ZNF610: variants seen among roughly 807,000 people sequenced by gnomAD.
ZNF610 encodes zinc finger protein 610, also known as zink finger protein.
In ZNF610, 14 loss-of-function variants were observed where a neutral mutation model predicts 14.1. The observed-to-expected ratio is 0.99, with a 90% confidence interval of 0.65 to 1.55. The LOEUF (loss-of-function observed/expected upper bound fraction) is 1.55, where lower values mean the gene tolerates loss of function less well. ZNF610 is among the 40% of genes most tolerant of loss of function. The pLI, the probability that ZNF610 is intolerant of heterozygous loss-of-function variation, is 0.00. For missense variants in ZNF610, 530 were observed against 558.0 expected (o/e 0.95, Z 0.51); for synonymous variants, 185 against 187.6 (o/e 0.99, Z 0.11).
chr19:52,341,967 T>A (rs565170028), intron 1 of ZNF610, among the ~76,000 whole-genome samples: 1 of 152,230 alleles, frequency 6.6e-6, no homozygotes, highest in Admixed American at 6.5e-5. Context: ...CATGCCAGTA[T>A]GCCACTAATA....
intron 5 of ZNF610, among the ~76,000 whole-genome samples, chr19:52,362,114 G>C (rs573201658): frequency 6.6e-6 from 1 of 152,290 alleles, no homozygotes; most frequent in Non-Finnish European, 1.5e-5. Context: ...CCAGCACTAT[G>C]GCTCACGCCT....
chr19:52,364,496 T>C (rs1198916416), intron 5 of ZNF610, among the ~76,000 whole-genome samples: 5 of 152,206 alleles, frequency 3.3e-5, no homozygotes. Flanking sequence ...AGCTCTTCTT[T>C]ATTCAGGAAC....
chr19:52,365,253 A>G (rs1441929219), intron 5 of ZNF610, among the ~76,000 whole-genome samples: 1 of 149,796 alleles, frequency 6.7e-6, no homozygotes, highest in Admixed American at 6.6e-5. Flanking sequence ...AAAAAAAAAA[A>G]GAATTGTGAC....
Position 52,365,901 on chromosome 19 carries a change from A to G in ZNF610, c.523A>G (p.Ile175Val), listed in dbSNP as rs759053994. ...QKISSSFTTH[I>V]FNKYRNDLID... ...AATTTCTTCTAGTTTCACAACACAC[A>G]TTTTTAATAAATATAGAAATGATCT... Residue 175 changes from isoleucine (I) to valine (V), a missense_variant, in exon 6 of 6, where the codon ATT becomes GTT. Physicochemically the swap from Ile to Val is conservative, Grantham distance 29. Transcript: ENST00000403906. The G allele has an allele frequency of 2.5e-6, 4 of 1,612,644 alleles. No individual in the cohort carries two copies. The Admixed American group carries it at 5.0e-5, about 20-fold the overall frequency.
rs774636305 is a variant in ZNF610 at position 52,349,187 on chromosome 19, A to T, written c.15A>T (p.Glu5Asp). ...TATAAACAGTCATGCTATGTGATGA[A>T]GAAGCCCAGAAGAGGAAAGCAAAGG... is the stretch of plus-strand genomic sequence containing the variant. MLCDEEAQKRKAKES... is the reference protein window; with the variant it reads MLCDDEAQKRKAKES... The change falls in exon 3 of 6, where the codon GAA (glutamate) becomes GAT (aspartate). Residue 5 changes from glutamate (E) to aspartate (D), a missense_variant. Transcript: ENST00000403906. 1.9e-6 allele frequency: 3 copies of T among 1,613,568 alleles called. No individual in the cohort carries two copies. Among genetic ancestry groups the T allele is most frequent in the Non-Finnish European group, 2.5e-6 (3 of 1,179,926 alleles).
chr19:52,349,107 G>A, intron 2 of ZNF610, 47 bp from the exon 3 acceptor site: 2 of 1,395,014 alleles, frequency 1.4e-6, no homozygotes, highest in South Asian at 1.2e-5. Context: ...CATAGGGAGG[G>A]GAATGTGTTG....
At chr19:52,365,597 C>A (rs1175613035) in intron 5 of ZNF610, 101 bp from the exon 6 acceptor site, 3 of 1,039,628 alleles carry the variant, frequency 2.9e-6, no homozygotes, top group East Asian at 2.4e-5. Context: ...GCCGATACTT[C>A]TTCCAGTGTC....
At position 52,366,530 on chromosome 19, in the gene ZNF610, T is replaced by G; in HGVS notation, c.1152T>G (p.Arg384=). The G allele has an allele frequency of 6.2e-7, 1 of 1,614,186 alleles. No homozygotes were observed. Among genetic ancestry groups the G allele is most frequent in the Non-Finnish European group, 8.5e-7 (1 of 1,180,036 alleles). ...AATGTGGAAGAGCATTTCACAAGCG[T>G]CCGGGCCTTATGGCCCATCTTCTAA... ...CNECGRAFHK[R]PGLMAHLLIH... is the part of the protein sequence containing the mutation. Residue 384 remains arginine (R), a synonymous_variant, in exon 6 of 6, where the codon CGT becomes CGG. Transcript: ENST00000403906.
chr19:52,354,606 TCTCA>T (rs142425731), intron 5 of ZNF610, among the ~76,000 whole-genome samples: 1,828 of 132,070 alleles, frequency 0.014, 39 homozygotes, highest in African/African-American at 0.056. Context: ...TTTTTTTTTG[TCTCA>T]CTCCGTTGCC....
upstream of ZNF610, among the ~76,000 whole-genome samples, chr19:52,331,256 C>T (rs374421721): frequency 2.5e-3 from 383 of 152,302 alleles, no homozygotes; most frequent in African/African-American, 9.0e-3. Flanking sequence ...ATTGGTTTTT[C>T]TCCCCAGTAT....
chr19:52,365,824 A>T lies in ZNF610; in HGVS notation c.446A>T (p.Asn149Ile). Reference protein sequence around the residue: ...FQAGRKIYRSNQVEKFTNHRS... With the variant: ...FQAGRKIYRSIQVEKFTNHRS... ...GCCGGAAGGAAAATTTACAGAAGTAATCAAGTTGAAAAGTTTACAAACCAT... is the reference window on the plus strand; with the variant it reads ...GCCGGAAGGAAAATTTACAGAAGTATTCAAGTTGAAAAGTTTACAAACCAT... The change falls in exon 6 of 6, where the codon AAT (asparagine) becomes ATT (isoleucine). Residue 149 changes from asparagine (N) to isoleucine (I), a missense_variant. By Grantham distance (149) the Asn-to-Ile change is moderately radical (BLOSUM62 -3). Coordinates refer to ENST00000403906, the MANE Select transcript of ZNF610 (RefSeq NM_001161425.2). 1.2e-6 allele frequency: 2 copies of T among 1,614,218 alleles called. No individual in the cohort carries two copies. The highest frequency in any genetic ancestry group is 1.7e-6 in the Non-Finnish European group (2 of 1,180,042).
chr19:52,361,179 CTT>C (rs199515927), intron 5 of ZNF610, among the ~76,000 whole-genome samples: 26,529 of 140,584 alleles, frequency 0.19, 2,676 homozygotes, highest in East Asian at 0.33. Flanking sequence ...ATCTCATTTT[CTT>C]TTTTTTTTTT....
intron 4 of ZNF610, 29 bp downstream of exon 4, chr19:52,353,837 G>C: frequency 6.2e-7 from 1 of 1,600,274 alleles, no homozygotes; most frequent in Non-Finnish European, 8.5e-7. Context: ...CAGAAGCCGG[G>C]ATCTGCTCTA....
chr19:52,365,564 T>C, intron 5 of ZNF610, 134 bp from the exon 6 acceptor site: 1 of 814,656 alleles, frequency 1.2e-6, no homozygotes, highest in Non-Finnish European at 2.0e-6. Context: ...TTTTCAGCTC[T>C]CACAATGTGA....
At chr19:52,331,243 C>T (rs1261839340), upstream of ZNF610, among the ~76,000 whole-genome samples, 1 of 152,156 alleles carries the variant, frequency 6.6e-6, no homozygotes, top group Non-Finnish European at 1.5e-5. Flanking sequence ...AATGGCACTT[C>T]TCATTGGTTT....
At chr19:52,339,143 C>T (rs1984543406) in intron 1 of ZNF610, among the ~76,000 whole-genome samples, 1 of 152,014 alleles carries the variant, frequency 6.6e-6, no homozygotes, top group Non-Finnish European at 1.5e-5. Flanking sequence ...GCCAGCATGT[C>T]TCACCTCCAG....
chr19:52,359,543 A>G (rs1568653488), intron 5 of ZNF610, among the ~76,000 whole-genome samples: 1 of 152,186 alleles, frequency 6.6e-6, no homozygotes, highest in Admixed American at 6.5e-5. Context: ...GCCTGCAGTA[A>G]GGAACTCAGG....
At chr19:52,345,590 G>A (rs1418998753) in intron 1 of ZNF610, 6 of 152,132 alleles carry the variant, frequency 3.9e-5, no homozygotes, top group African/African-American at 1.2e-4. Flanking sequence ...AAAAATCCAG[G>A]AACTTTCACA....
chr19:52,361,196 G>A (rs1373131421), intron 5 of ZNF610, among the ~76,000 whole-genome samples: 7 of 140,784 alleles, frequency 5.0e-5, no homozygotes, highest in Non-Finnish European at 9.0e-5. Flanking sequence ...TTTTTTTTCC[G>A]AGACAGAGTC....
Sources: allele counts gnomAD v4.1 joint callset (sites outside exome capture counted in the v4.1 genomes callset), GRCh38; gene constraint gnomAD v4.1.1; transcripts MANE v1.5; gene names NCBI Gene and HGNC (gene_info 2026-07-23, HGNC 2026-07-21).